Variants in ST3GAL3 observed in about 807,000 individuals in gnomAD.
ST3GAL3 encodes the protein CMP-N-acetylneuraminate-beta-1,4-galactoside alpha-2,3-sialyltransferase.
A neutral mutation model predicts 50.1 loss-of-function variants in ST3GAL3; 21 were observed. The observed-to-expected ratio is 0.42, with a 90% confidence interval of 0.30 to 0.60. The LOEUF (loss-of-function observed/expected upper bound fraction) is 0.60. Among genes scored for constraint, ST3GAL3 ranks in the 20% least tolerant of loss-of-function variants. The pLI, the probability that ST3GAL3 is intolerant of heterozygous loss-of-function variation, is 0.19. For synonymous variants in ST3GAL3, 183 were observed against 190.0 expected (o/e 0.96, Z 0.30); for missense variants, 353 against 489.4 (o/e 0.72, Z 2.63).
intron 4 of ST3GAL3, among the ~76,000 whole-genome samples, chr1:43,825,617 A>G (rs530886494): frequency 2.6e-4 from 39 of 152,350 alleles, no homozygotes; most frequent in African/African-American, 8.9e-4. Flanking sequence ...GCAGAGACCA[A>G]ATTATGTGGG....
At chr1:43,823,968 A>T (rs1475170234) in intron 4 of ST3GAL3, among the ~76,000 whole-genome samples, 1 of 152,224 alleles carries the variant, frequency 6.6e-6, no homozygotes, top group African/African-American at 2.4e-5. Context: ...TGTTTTTTCC[A>T]AATTCACAGT....
chr1:43,733,923 C>T (rs1677038189), intron 1 of ST3GAL3, among the ~76,000 whole-genome samples: 1 of 152,208 alleles, frequency 6.6e-6, no homozygotes, highest in South Asian at 2.1e-4. Flanking sequence ...TCCTGGCCAA[C>T]ATGGTGAAAC....
chr1:43,755,617 C>T (rs1347134843), intron 2 of ST3GAL3, among the ~76,000 whole-genome samples: 1 of 152,100 alleles, frequency 6.6e-6, no homozygotes, highest in Non-Finnish European at 1.5e-5. Context: ...GTATTTATAT[C>T]ATCAAATGAT....
At chr1:43,780,740 A>C (rs931223390) in intron 2 of ST3GAL3, among the ~76,000 whole-genome samples, 8 of 151,694 alleles carry the variant, frequency 5.3e-5, no homozygotes, top group African/African-American at 1.9e-4. Context: ...CTCACCAAAT[A>C]TATTTTTTAT....
chr1:43,878,363 G>A (rs1177075472), intron 5 of ST3GAL3, among the ~76,000 whole-genome samples: 1 of 152,174 alleles, frequency 6.6e-6, no homozygotes, highest in Non-Finnish European at 1.5e-5. Flanking sequence ...AAAATATTTA[G>A]TAAATTACCA....
Position 43,820,605 on chromosome 1 carries a change from T to G in ST3GAL3, c.209+5672T>G, listed in dbSNP as rs555259205. Among the ~76,000 whole-genome samples, 24 of 152,342 alleles carry G rather than the reference T, an allele frequency of 1.6e-4. No individual in the cohort carries two copies. In the East Asian group the frequency reaches 3.3e-3, roughly 21 times the overall value. Reference sequence around the variant, plus strand: ...AAATAGACATTTTAGATTTTTTTTCTTCACTGTATTTGTTTAATTATGTCT... The same window carrying G: ...AAATAGACATTTTAGATTTTTTTTCGTCACTGTATTTGTTTAATTATGTCT... On this transcript the variant is annotated intron_variant, in intron 4 of 11. Transcript: ENST00000347631.
chr1:43,904,893 TCC>T (rs2078956940), intron 9 of ST3GAL3, among the ~76,000 whole-genome samples: 2 of 55,876 alleles, frequency 3.6e-5, no homozygotes, highest in Admixed American at 2.0e-4. Context: ...CCGCCACTCT[TCC>T]TCCCCCTCCT....
At chr1:43,850,674 A>C (rs1395501767) in intron 5 of ST3GAL3, 2 of 726,226 alleles carry the variant, frequency 2.8e-6, no homozygotes, top group East Asian at 5.1e-5. Context: ...ATCCACGAGG[A>C]TCAAATGTTT....
chr1:43,920,989 G>A (rs1357366722), intron 11 of ST3GAL3, 61 bp downstream of exon 11: 3 of 1,543,126 alleles, frequency 1.9e-6, no homozygotes, highest in African/African-American at 2.7e-5. Flanking sequence ...GCATAAATGA[G>A]TAGTAAAGGG....
At chr1:43,738,272 G>A (rs113527675) in intron 2 of ST3GAL3, 1 of 152,136 alleles carries the variant, frequency 6.6e-6, no homozygotes, top group African/African-American at 2.4e-5. Flanking sequence ...GGCTTCAGAA[G>A]TTTATTGCTA....
intron 2 of ST3GAL3, among the ~76,000 whole-genome samples, chr1:43,777,332 CA>C (rs1437272927): frequency 5.3e-5 from 8 of 152,074 alleles, no homozygotes; most frequent in African/African-American, 1.9e-4. Context: ...CAATCCTAAG[CA>C]AAAAGAACAA....
chr1:43,875,947 CTTCTTATTA>C lies in ST3GAL3; in HGVS notation c.303-18433_303-18425del, dbSNP rs1199365061. Reference sequence around the variant, plus strand: ...TCTTCTTCTTCTTCTTCTTCTTCTTCTTCTTATTATTATTATTATTATTATTATTATTAT... The same window carrying C: ...TCTTCTTCTTCTTCTTCTTCTTCTTCTTATTATTATTATTATTATTATTAT... On this transcript the variant is annotated intron_variant, in intron 5 of 11. Transcript: ENST00000347631. Among the ~76,000 whole-genome samples, 381 of 57,308 alleles carry C rather than the reference CTTCTTATTA, an allele frequency of 6.6e-3. 2 individuals are homozygous for C. The highest frequency in any genetic ancestry group is 7.6e-3 in the Non-Finnish European group (188 of 24,676). The allele number at this position is 57,308 out of a possible 152,430, so 37.6% of individuals were successfully genotyped here.
At position 43,736,219 on chromosome 1, in the gene ST3GAL3, TTTTTC is replaced by T; in HGVS notation, c.-30-7_-30-3del. The T allele has an allele frequency of 6.2e-7, 1 of 1,612,730 alleles. No homozygotes were observed. The highest frequency in any genetic ancestry group is 8.5e-7 in the Non-Finnish European group (1 of 1,178,716). The stretch of plus-strand genomic sequence containing the variant: ...GTGCTTTGTCTTTTAAGAACTAAAC[TTTTTC>T]TTTTCTAGGTCATTTAGGAAATCGT... On this transcript the variant is annotated splice_polypyrimidine_tract_variant and intron_variant, in intron 1 of 11. Coordinates refer to ENST00000347631, the MANE Select transcript of ST3GAL3 (RefSeq NM_006279.5).
chr1:43,783,698 T>A (rs1700069446), intron 2 of ST3GAL3, among the ~76,000 whole-genome samples: 1 of 152,126 alleles, frequency 6.6e-6, no homozygotes, highest in Non-Finnish European at 1.5e-5. Context: ...GCTTGAGTCG[T>A]ACACACAGGG....
intron 3 of ST3GAL3, among the ~76,000 whole-genome samples, chr1:43,810,463 A>G (rs572665836): frequency 5.9e-5 from 9 of 152,184 alleles, no homozygotes; most frequent in Non-Finnish European, 1.3e-4. Flanking sequence ...ACTGAGGTTG[A>G]GAGAAATGGG....
intron 3 of ST3GAL3, among the ~76,000 whole-genome samples, chr1:43,801,948 C>T (rs12128485): frequency 0.35 from 53,495 of 151,942 alleles, 10,450 homozygotes; most frequent in East Asian, 0.59. Flanking sequence ...TGGGACGATC[C>T]GAGTTTGCAC....
intron 2 of ST3GAL3, among the ~76,000 whole-genome samples, chr1:43,751,777 G>A (rs1191186537): frequency 2.0e-5 from 3 of 152,114 alleles, no homozygotes; most frequent in African/African-American, 7.2e-5. Flanking sequence ...TCTCATGGTC[G>A]TTATAATCTA....
chr1:43,727,364 A>G (rs1415106732), intron 1 of ST3GAL3: 1 of 151,952 alleles, frequency 6.6e-6, no homozygotes, highest in Non-Finnish European at 1.5e-5. Context: ...ACCAGACACA[A>G]TTTCAGCCCT....
At chr1:43,758,186 G>A (rs1042106838) in intron 2 of ST3GAL3, among the ~76,000 whole-genome samples, 10 of 143,238 alleles carry the variant, frequency 7.0e-5, no homozygotes, top group Non-Finnish European at 9.0e-5. Context: ...AAAAAAGGCA[G>A]TATCATCCAA....
Sources: allele counts gnomAD v4.1 joint callset (sites outside exome capture counted in the v4.1 genomes callset), GRCh38; gene constraint gnomAD v4.1.1; transcripts MANE v1.5; gene names NCBI Gene and HGNC (gene_info 2026-07-23, HGNC 2026-07-21).